The following NCKAP1 variants were observed in gnomAD, a reference collection of about 807,000 sequenced individuals.
The protein encoded by NCKAP1 is NCK associated protein 1.
Under a neutral mutation model 151.2 loss-of-function variants are expected in NCKAP1, and 21 were observed. The observed-to-expected ratio is 0.14, with a 90% CI of 0.10 to 0.20. The LOEUF (loss-of-function observed/expected upper bound fraction) is 0.20, where lower values mean the gene tolerates loss of function less well. NCKAP1 is among the 10% of genes least tolerant of loss of function. The pLI is 1.00. For synonymous variants in NCKAP1, 484 were observed against 451.8 expected, an observed-to-expected ratio of 1.07 and a Z score of -0.90; for missense variants, 933 against 1,352.1, an observed-to-expected ratio of 0.69 and a Z score of 4.86.
At chr2:182,928,704 G>T in intron 28 of NCKAP1, 79 bp downstream of exon 28, 1 of 981,478 alleles carries the variant, frequency 1.0e-6, no homozygotes, top group Non-Finnish European at 1.5e-6. Flanking sequence ...GTTAGTGGCA[G>T]AACTTAACTC....
At chr2:182,952,976 A>C in intron 21 of NCKAP1, 53 bp from the exon 22 acceptor site, 1 of 1,554,232 alleles carries the variant, frequency 6.4e-7, no homozygotes, top group Non-Finnish European at 8.7e-7. Context: ...TTCAGAATGT[A>C]TCATGATATA....
At chr2:183,025,013 T>G (rs990382182) in intron 1 of NCKAP1, 2 of 1,610,300 alleles carry the variant, frequency 1.2e-6, no homozygotes, top group African/African-American at 2.7e-5. Flanking sequence ...AGCATTGTAA[T>G]AAAAAGAGAG....
In NCKAP1 at chr2:182,962,261, A is replaced by G. The variant is rs370333629; in HGVS notation, c.1779T>C (p.Asp593=). ...ACATATTACATAAGGAAAGACTGCG[A>G]TCTCCAATATGATGTCGCTGTGAAG... ...LCPEERHHIG[D]RSLSLCNMFL... is the part of the protein sequence containing the mutation. Residue 593 remains aspartate, a synonymous_variant, in exon 18 of 31, where the codon GAT becomes GAC. Transcript: ENST00000361354. 1.2e-6 allele frequency: 2 copies of G among 1,608,112 alleles called. No individual in the cohort carries two copies. Among genetic ancestry groups the G allele is most frequent in the Non-Finnish European group, 1.7e-6 (2 of 1,175,526 alleles).
Position 182,994,962 on chromosome 2 carries a change from C to CT in NCKAP1, c.742-76dup, listed in dbSNP as rs142936807. ...ATTCCATATTGAGCCACTCTCCTCC[C>CT]TTTCTCCTGATAACTTACTACCCAA... On this transcript the variant is annotated intron_variant, in intron 7 of 30. Coordinates refer to ENST00000361354, the MANE Select transcript of NCKAP1 (RefSeq NM_013436.5). 12,465 of 1,182,040 alleles carry CT rather than the reference C, an allele frequency of 0.011. 972 individuals are homozygous for CT. The African/African-American group carries it at 0.17, about 16-fold the overall frequency. 73.2% of individuals were successfully genotyped at this position (1,182,040 alleles called of 1,614,324 possible).
Position 182,983,351 on chromosome 2 carries a change from A to G in NCKAP1, c.1036T>C (p.Leu346=), listed in dbSNP as rs146032332. The change falls in exon 11 of 31, where the codon TTA becomes CTA. Residue 346 remains leucine (L), a synonymous_variant. Transcript: ENST00000361354. Reference sequence around the variant, plus strand: ...GCCAATTCCTTCAGTGCAGATCTTAAAAACTTGCGTCTTTCTCTGTGCATT... The same window carrying G: ...GCCAATTCCTTCAGTGCAGATCTTAGAAACTTGCGTCTTTCTCTGTGCATT... ...GSMHRERRKF[L]RSALKELATV... 1 of 1,613,264 alleles carries G rather than the reference A, an allele frequency of 6.2e-7. No homozygotes were observed. Among genetic ancestry groups the G allele is most frequent in the Non-Finnish European group, 8.5e-7 (1 of 1,179,440 alleles).
At chr2:182,979,554 T>G (rs1697896488) in intron 13 of NCKAP1, among the ~76,000 whole-genome samples, 1 of 152,168 alleles carries the variant, frequency 6.6e-6, no homozygotes, top group South Asian at 2.1e-4. Context: ...TTTAAAACTT[T>G]ATGATGCGAG....
At chr2:182,984,031 A>C (rs1697996835) in intron 10 of NCKAP1, among the ~76,000 whole-genome samples, 1 of 129,878 alleles carries the variant, frequency 7.7e-6, no homozygotes, top group Non-Finnish European at 1.7e-5. Flanking sequence ...ACTCCACCTC[A>C]AAAAAAAAAA....
intron 15 of NCKAP1, among the ~76,000 whole-genome samples, chr2:182,975,039 G>A (rs950794066): frequency 2.0e-5 from 3 of 152,138 alleles, no homozygotes; most frequent in Non-Finnish European, 2.9e-5. Flanking sequence ...CTGAGCCCAA[G>A]TATTGGTTTA....
intron 14 of NCKAP1, among the ~76,000 whole-genome samples, chr2:182,978,247 TA>T (rs1213425943): frequency 2.0e-5 from 3 of 152,202 alleles, no homozygotes; most frequent in African/African-American, 7.2e-5. Context: ...TAAAAGACTA[TA>T]AAACTAAAAC....
chr2:182,988,972 A>C, intron 9 of NCKAP1, 58 bp downstream of exon 9: 1 of 1,479,906 alleles, frequency 6.8e-7, no homozygotes, highest in South Asian at 1.2e-5. Flanking sequence ...AACTTCAGTA[A>C]AGATAACTCA....
chr2:183,035,486 G>A (rs879924822), intron 1 of NCKAP1, among the ~76,000 whole-genome samples: 3 of 151,962 alleles, frequency 2.0e-5, no homozygotes, highest in Non-Finnish European at 2.9e-5. Flanking sequence ...TAATGAAAAT[G>A]TGATAATTGA....
intron 18 of NCKAP1, among the ~76,000 whole-genome samples, chr2:182,958,302 C>A (rs1697366477): frequency 1.3e-5 from 2 of 152,152 alleles, no homozygotes; most frequent in Admixed American, 6.5e-5. Context: ...CCACACCCAG[C>A]TAATTTTATT....
chr2:182,984,983 C>T (rs1418639593), intron 10 of NCKAP1, among the ~76,000 whole-genome samples: 2 of 152,130 alleles, frequency 1.3e-5, no homozygotes, highest in African/African-American at 2.4e-5. Flanking sequence ...CCTATAGTAG[C>T]GTCTATCCCA....
intron 15 of NCKAP1, among the ~76,000 whole-genome samples, chr2:182,972,772 T>C (rs1036365830): frequency 6.6e-6 from 1 of 152,088 alleles, no homozygotes; most frequent in Non-Finnish European, 1.5e-5. Flanking sequence ...CTGGAAGAAA[T>C]TATGTTAAGT....
At chr2:183,026,918 A>C (rs949006081) in intron 1 of NCKAP1, among the ~76,000 whole-genome samples, 1 of 152,250 alleles carries the variant, frequency 6.6e-6, no homozygotes, top group African/African-American at 2.4e-5. Flanking sequence ...AATAGTAATC[A>C]TAGTAACAGT....
intron 14 of NCKAP1, among the ~76,000 whole-genome samples, chr2:182,978,590 A>G (rs2105850107): frequency 6.6e-6 from 1 of 152,266 alleles, no homozygotes; most frequent in East Asian, 1.9e-4. Context: ...CAAAATGCAA[A>G]TGTTTTATTG....
Position 182,918,253 on chromosome 2 carries a change from T to C in NCKAP1, c.*7449A>G, listed in dbSNP as rs920368978. 9 of 152,222 alleles carry C rather than the reference T, an allele frequency of 5.9e-5. No individual in the cohort carries two copies. The highest frequency in any genetic ancestry group is 1.7e-4 in the African/African-American group (7 of 41,466). 9.4% of individuals were successfully genotyped at this position (152,222 alleles called of 1,614,324 possible). A position where few individuals can be genotyped will look rare whatever the true frequency, so the allele number is the denominator to read the frequency against. On this transcript the variant is annotated 3_prime_UTR_variant, in exon 31 of 31. Transcript: ENST00000361354. ...AAGAGTAGCATAATGTAAGCCCTCA[T>C]TGTTATTTTTTTTGTCCCTCATTGT...
At chr2:183,015,108 T>C (rs1698658942) in intron 2 of NCKAP1, among the ~76,000 whole-genome samples, 1 of 152,228 alleles carries the variant, frequency 6.6e-6, no homozygotes, top group Non-Finnish European at 1.5e-5. Context: ...AGAAAGTCTC[T>C]TTGAGTTGAA....
In NCKAP1 at chr2:182,926,925, A is replaced by ACTTTATGTGTATG; in HGVS notation, c.3181-21_3181-20insCATACACATAAAG. The ACTTTATGTGTATG allele has an allele frequency of 6.6e-7, 1 of 1,508,772 alleles. No homozygotes were observed. The highest frequency in any genetic ancestry group is 9.1e-7 in the Non-Finnish European group (1 of 1,097,900). 93.5% of individuals were successfully genotyped at this position (1,508,772 alleles called of 1,614,324 possible). A position where few individuals can be genotyped will look rare whatever the true frequency, so the allele number is the denominator to read the frequency against. On this transcript the variant is annotated intron_variant, in intron 29 of 30. Transcript: ENST00000361354. ...TGCAAGCTTAAAAGTATACATACAC[A>ACTTTATGTGTATG]TAAAGTGAGTTTGTTAATAAAAGGT...
Sources: gnomAD v4.1 joint callset for allele counts (sites outside exome capture counted in the v4.1 genomes callset) on GRCh38, gnomAD v4.1.1 for gene constraint, MANE v1.5 for transcripts, NCBI Gene and HGNC (gene_info 2026-07-23, HGNC 2026-07-21) for gene names.